Variants in LIMCH1 observed in about 807,000 individuals in gnomAD.
LIMCH1 encodes LIM and calponin homology domains 1.
A neutral mutation model predicts 176.5 loss-of-function variants in LIMCH1; 113 were observed. The ratio of observed to expected loss-of-function variants is 0.64; its 90% CI spans 0.55 to 0.75. The LOEUF (loss-of-function observed/expected upper bound fraction) is 0.75. Among genes scored for constraint, LIMCH1 ranks in the 30% least tolerant of loss-of-function variants. LIMCH1 has a pLI of 0.00. For missense variants in LIMCH1, 1,674 were observed against 1,814.9 expected (o/e 0.92, Z 1.41); for synonymous variants, 619 against 645.9 (o/e 0.96, Z 0.63).
intron 1 of LIMCH1, among the ~76,000 whole-genome samples, chr4:41,374,350 A>T (rs1365301699): frequency 6.6e-6 from 1 of 152,136 alleles, no homozygotes; most frequent in East Asian, 1.9e-4. Context: ...GAGTGATTGT[A>T]TAGAAAGAGT....
At chr4:41,423,571 C>G (rs2060812373) in intron 1 of LIMCH1, among the ~76,000 whole-genome samples, 1 of 151,978 alleles carries the variant, frequency 6.6e-6, no homozygotes, top group Admixed American at 6.6e-5. Flanking sequence ...AGAAATGGGT[C>G]AGTTGTGGGC....
At chr4:41,451,470 A>G (rs954581474) in intron 1 of LIMCH1, among the ~76,000 whole-genome samples, 1 of 152,176 alleles carries the variant, frequency 6.6e-6, no homozygotes, top group Non-Finnish European at 1.5e-5. Context: ...TATGGTCGAA[A>G]GAAGGCTCAC....
At chr4:41,370,980 C>T (rs2053874982) in intron 1 of LIMCH1, among the ~76,000 whole-genome samples, 1 of 152,226 alleles carries the variant, frequency 6.6e-6, no homozygotes, top group Admixed American at 6.5e-5. Flanking sequence ...GATTTGAACC[C>T]AGGCAAACTG....
chr4:41,681,820 A>C (rs1210316020), intron 25 of LIMCH1, among the ~76,000 whole-genome samples: 1 of 152,174 alleles, frequency 6.6e-6, no homozygotes. Context: ...GACAACAAAT[A>C]AAAAAACCTA....
At chr4:41,685,630 G>A in intron 27 of LIMCH1, 80 bp from the exon 28 acceptor site, 2 of 1,551,764 alleles carry the variant, frequency 1.3e-6, no homozygotes, top group Non-Finnish European at 1.8e-6. Flanking sequence ...ACAGGCATTA[G>A]CACTTTAAAG....
chr4:41,390,434 A>T (rs2057100723), intron 1 of LIMCH1, among the ~76,000 whole-genome samples: 1 of 152,154 alleles, frequency 6.6e-6, no homozygotes, highest in South Asian at 2.1e-4. Context: ...GTAGTGCGTA[A>T]GGTCTGCCAT....
intron 2 of LIMCH1, among the ~76,000 whole-genome samples, chr4:41,511,690 A>T (rs920234393): frequency 6.6e-6 from 1 of 152,210 alleles, no homozygotes; most frequent in African/African-American, 2.4e-5. Context: ...AGATTATTTT[A>T]AAATTAATAC....
intron 1 of LIMCH1, among the ~76,000 whole-genome samples, chr4:41,425,625 G>A (rs1184480649): frequency 6.6e-6 from 1 of 152,186 alleles, no homozygotes; most frequent in Non-Finnish European, 1.5e-5. Context: ...GGGATTACAG[G>A]TGTGAGCCAC....
At chr4:41,539,163 G>C (rs1042078094) in intron 1 of LIMCH1, among the ~76,000 whole-genome samples, 8 of 152,108 alleles carry the variant, frequency 5.3e-5, no homozygotes, top group African/African-American at 1.9e-4. Context: ...GTGGAGTCGG[G>C]AAATCTATTT....
chr4:41,612,574 C>T lies in LIMCH1; in HGVS notation c.10-892C>T, dbSNP rs61402619. ...ATTGTAATTAATGCTAAGACACTGG[C>T]GGGAACAAGGCTTTTATTATAATAC... On this transcript the variant is annotated intron_variant, in intron 4 of 31. Transcript: ENST00000503057. The T allele has an allele frequency of 7.9e-4, 554 of 702,524 alleles. 1 individual carries two copies. In the African/African-American group the frequency reaches 8.6e-3, roughly 11 times the overall value. 43.5% of individuals were successfully genotyped at this position (702,524 alleles called of 1,614,324 possible).
intron 10 of LIMCH1, among the ~76,000 whole-genome samples, 172 bp from the exon 11 acceptor site, chr4:41,632,577 A>T (rs2093381372): frequency 6.6e-6 from 1 of 152,218 alleles, no homozygotes. Flanking sequence ...CCCTAGCCAG[A>T]GTTCACATTC....
rs2094244957 is a variant in LIMCH1 at position 41,650,434 on chromosome 4, A to C, written c.2862A>C (p.Arg954Ser). 6.2e-7 allele frequency: 1 copy of C among 1,613,990 alleles called. No homozygotes were observed. The highest frequency in any genetic ancestry group is 1.3e-5 in the African/African-American group (1 of 74,912). ...GTGTGAATGGAGAGACGGTTCATAG[A>C]GAGGAGGAGAAGGAAAGAGAGTGTC... ...KVSVNGETVHREEEKERECPT... is the reference protein window; with the variant it reads ...KVSVNGETVHSEEEKERECPT... The change falls in exon 18 of 32, where the codon AGA (arginine) becomes AGC (serine). Residue 954 changes from arginine (R) to serine (S), a missense_variant. This residue lies in a region of LIMCH1 where 1,015 missense variants were observed against 1,102.5 expected (regional missense o/e 0.92). Transcript: ENST00000503057.
At chr4:41,467,889 A>G (rs942520762) in intron 1 of LIMCH1, among the ~76,000 whole-genome samples, 3 of 152,244 alleles carry the variant, frequency 2.0e-5, no homozygotes, top group African/African-American at 7.2e-5. Context: ...TCCTCACTGT[A>G]CATTGGAAGC....
chr4:41,479,018 A>G (rs1010692917), intron 1 of LIMCH1, among the ~76,000 whole-genome samples: 5 of 152,150 alleles, frequency 3.3e-5, no homozygotes, highest in African/African-American at 4.8e-5. Context: ...AGAAAGAAAA[A>G]GAAAGGGAAG....
chr4:41,602,539 A>G (rs563694207), intron 2 of LIMCH1, among the ~76,000 whole-genome samples: 1 of 152,310 alleles, frequency 6.6e-6, no homozygotes, highest in Non-Finnish European at 1.5e-5. Context: ...ATTTTTAAAA[A>G]TCTGGTTTCT....
Position 41,438,923 on chromosome 4 carries a change from A to G in LIMCH1, c.97-55613A>G, listed in dbSNP as rs1413514700. Among the ~76,000 whole-genome samples the G allele has an allele frequency of 2.0e-5, 3 of 152,294 alleles. No homozygotes were observed. The East Asian group carries it at 5.8e-4, about 29-fold the overall frequency. On this transcript the variant is annotated intron_variant, in intron 1 of 26. Transcript: ENST00000313860. ...ATGTGGATTATCAATCCTGTAATGTACAATGCCATGGACCAGCAGTGATCA... is the reference window on the plus strand; with the variant it reads ...ATGTGGATTATCAATCCTGTAATGTGCAATGCCATGGACCAGCAGTGATCA...
At chr4:41,601,634 A>G (rs971496317) in intron 2 of LIMCH1, among the ~76,000 whole-genome samples, 13 of 152,224 alleles carry the variant, frequency 8.5e-5, no homozygotes, top group Non-Finnish European at 1.6e-4. Context: ...TAGAGAAAAA[A>G]CATTTTACTG....
At chr4:41,572,869 C>T (rs892842808) in intron 1 of LIMCH1, among the ~76,000 whole-genome samples, 2 of 152,160 alleles carry the variant, frequency 1.3e-5, no homozygotes, top group Admixed American at 1.3e-4. Context: ...AGGAGGCAGG[C>T]ACTTCCCAAA....
intron 1 of LIMCH1, among the ~76,000 whole-genome samples, chr4:41,389,882 G>C (rs566521563): frequency 6.6e-5 from 10 of 152,220 alleles, no homozygotes; most frequent in African/African-American, 2.2e-4. Context: ...GTCAATAGGT[G>C]CTTATTTCAC....
Sources: allele counts gnomAD v4.1 joint callset (sites outside exome capture counted in the v4.1 genomes callset), GRCh38; gene constraint gnomAD v4.1.1; regional missense constraint gnomAD v4.1.1; transcripts MANE v1.5; gene names NCBI Gene and HGNC (gene_info 2026-07-23, HGNC 2026-07-21).